The following SORL1 variants were observed in gnomAD, a reference collection of about 807,000 sequenced individuals.
The protein encoded by SORL1 is sortilin-related receptor.
A neutral mutation model predicts 273.7 loss-of-function variants in SORL1; 127 were observed. That is an observed-to-expected ratio of 0.46 (90% CI 0.40 to 0.54). SORL1 has a LOEUF of 0.54. SORL1 is among the 20% of genes least tolerant of loss of function. SORL1 has a pLI of 0.00. For synonymous variants in SORL1, 1,031 were observed against 1,067.4 expected (o/e 0.97, Z 0.66); for missense variants, 2,494 against 2,846.1 (o/e 0.88, Z 2.81).
chr11:121,474,957 G>T (rs1861239812), intron 2 of SORL1, among the ~76,000 whole-genome samples: 1 of 152,230 alleles, frequency 6.6e-6, no homozygotes, highest in African/African-American at 2.4e-5. Context: ...TGCTAATTAA[G>T]TAGAAATAAG....
intron 1 of SORL1, among the ~76,000 whole-genome samples, chr11:121,459,051 C>T (rs116454522): frequency 3.4e-4 from 52 of 152,290 alleles, no homozygotes; most frequent in African/African-American, 1.2e-3. Flanking sequence ...ATCTTCCTGG[C>T]CGCGTCCTGG....
At chr11:121,465,111 A>G (rs1470383437) in intron 1 of SORL1, among the ~76,000 whole-genome samples, 1 of 152,168 alleles carries the variant, frequency 6.6e-6, no homozygotes, top group East Asian at 1.9e-4. Context: ...ATGATTTCCA[A>G]AACATTTCCA....
At chr11:121,513,413 G>A (rs1313996611) in intron 7 of SORL1, among the ~76,000 whole-genome samples, 1 of 152,176 alleles carries the variant, frequency 6.6e-6, no homozygotes, top group Non-Finnish European at 1.5e-5. Flanking sequence ...GTGCATGATA[G>A]GATCTTTTTT....
chr11:121,522,488 C>T (rs977860939), intron 9 of SORL1, 98 bp from the exon 10 acceptor site: 26 of 881,530 alleles, frequency 2.9e-5, no homozygotes, highest in Admixed American at 5.3e-5. Context: ...CTCCTTGCCC[C>T]GTGTCAGCTG....
chr11:121,473,713 G>T (rs975488118), intron 2 of SORL1, among the ~76,000 whole-genome samples: 1 of 152,132 alleles, frequency 6.6e-6, no homozygotes, highest in Non-Finnish European at 1.5e-5. Flanking sequence ...CGGCCAACAT[G>T]GTGAAACCCT....
At chr11:121,569,283 G>GA (rs1249967769) in intron 22 of SORL1, among the ~76,000 whole-genome samples, 27 of 152,266 alleles carry the variant, frequency 1.8e-4, no homozygotes, top group African/African-American at 6.5e-4. Flanking sequence ...ATGTGTGTTT[G>GA]AACAATATGA....
At chr11:121,489,958 G>A in intron 4 of SORL1, 85 bp from the exon 5 acceptor site, 1 of 965,154 alleles carries the variant, frequency 1.0e-6, no homozygotes, top group African/African-American at 1.6e-5. Context: ...GTCATGGAAG[G>A]TGGGATTTCA....
At chr11:121,591,179 T>G (rs1321920355) in intron 31 of SORL1, 23 bp downstream of exon 31, 1 of 1,613,566 alleles carries the variant, frequency 6.2e-7, no homozygotes, top group Non-Finnish European at 8.5e-7. Context: ...CCAGGTCCTC[T>G]CCTGTGGTAC....
intron 45 of SORL1, among the ~76,000 whole-genome samples, chr11:121,622,970 A>G (rs938160887): frequency 6.6e-6 from 1 of 152,238 alleles, no homozygotes; most frequent in African/African-American, 2.4e-5. Flanking sequence ...GCAAAGAGCC[A>G]TGGGTTCTAA....
chr11:121,566,731 A>G, intron 21 of SORL1: 1 of 505,234 alleles, frequency 2.0e-6, no homozygotes, highest in South Asian at 3.0e-5. Flanking sequence ...GGGCAGTCTG[A>G]TCTGGCTGAA....
chr11:121,499,801 A>G (rs1861685783), intron 6 of SORL1, among the ~76,000 whole-genome samples: 1 of 152,220 alleles, frequency 6.6e-6, no homozygotes, highest in Non-Finnish European at 1.5e-5. Context: ...AGCTGGCTTT[A>G]GTGTTAAATG....
intron 11 of SORL1, among the ~76,000 whole-genome samples, chr11:121,525,648 G>A (rs1480617213): frequency 5.9e-5 from 9 of 152,196 alleles, no homozygotes; most frequent in Non-Finnish European, 2.9e-5. Context: ...ATATCTCATT[G>A]TAGTTGTAAT....
rs1371446364 is a variant in SORL1, at chr11:121,563,647, C to T, written c.3050-3293C>T. On this transcript the variant is annotated intron_variant, in intron 21 of 47. Transcript: ENST00000260197. The surrounding 1 kb of genome is among the most constrained non-coding windows in gnomAD (Gnocchi z 4.2). ...CTGAGCTCAGGCAATCTGCACGCCC[C>T]GGCCTCCCAAAGTGCTAGGATTTAC... Among the ~76,000 whole-genome samples, 4 of 152,192 alleles carry T rather than the reference C, an allele frequency of 2.6e-5. No individual in the cohort carries two copies. The highest frequency in any genetic ancestry group is 1.9e-4 in the East Asian group (1 of 5,196).
At chr11:121,624,127 C>T (rs987551912) in intron 45 of SORL1, among the ~76,000 whole-genome samples, 5 of 152,224 alleles carry the variant, frequency 3.3e-5, no homozygotes, top group Non-Finnish European at 5.9e-5. Context: ...CCAGTGATCT[C>T]TCACCGGGTC....
At chr11:121,531,981 G>A (rs938092774) in intron 11 of SORL1, among the ~76,000 whole-genome samples, 1 of 152,164 alleles carries the variant, frequency 6.6e-6, no homozygotes, top group African/African-American at 2.4e-5. Flanking sequence ...AGCTTCTCTA[G>A]GTTTTAAATC....
chr11:121,460,615 C>T (rs909077792), intron 1 of SORL1, among the ~76,000 whole-genome samples: 1 of 152,018 alleles, frequency 6.6e-6, no homozygotes, highest in South Asian at 2.1e-4. Context: ...CCAGGCTGGT[C>T]TCGAACTCCT....
rs530262961 is a variant in SORL1, at chr11:121,485,682, T to G, written c.529-2350T>G. On this transcript the variant is annotated intron_variant, in intron 3 of 47. Coordinates refer to ENST00000260197, the MANE Select transcript of SORL1 (RefSeq NM_003105.6). ...AGATTTCTGGGGAAATCTTTTCAAATTGAGGATGCTTCCTTCCCCAATAAC... is the reference window on the plus strand; with the variant it reads ...AGATTTCTGGGGAAATCTTTTCAAAGTGAGGATGCTTCCTTCCCCAATAAC... 5.3e-5 allele frequency among the ~76,000 whole-genome samples: 8 copies of G among 152,332 alleles called. No homozygotes were observed. In the East Asian group the frequency reaches 1.3e-3, roughly 26 times the overall value.
intron 1 of SORL1, among the ~76,000 whole-genome samples, chr11:121,457,656 T>C (rs1277537890): frequency 6.6e-6 from 1 of 152,154 alleles, no homozygotes; most frequent in African/African-American, 2.4e-5. Flanking sequence ...AAAACCTCAT[T>C]CTCCTTTCAC....
In SORL1 at chr11:121,629,830, T is replaced by C. The variant is rs189323512; in HGVS notation, c.*267T>C. ...CTTACAGGGCTGTGCTTGCTGGGCA[T>C]GCTTTTACGTCTGTGAGATAATTTC... On this transcript the variant is annotated 3_prime_UTR_variant, in exon 48 of 48. Transcript: ENST00000260197. 95 of 419,818 alleles carry C rather than the reference T, an allele frequency of 2.3e-4. No individual in the cohort carries two copies. The East Asian group carries it at 3.6e-3, about 16-fold the overall frequency. 26.0% of individuals were successfully genotyped at this position (419,818 alleles called of 1,614,324 possible). A position where few individuals can be genotyped will look rare whatever the true frequency, so the allele number is the denominator to read the frequency against.
Sources: allele counts gnomAD v4.1 joint callset (sites outside exome capture counted in the v4.1 genomes callset), GRCh38; gene constraint gnomAD v4.1.1; non-coding constraint Gnocchi (gnomAD v3.1); transcripts MANE v1.5; gene names NCBI Gene and HGNC (gene_info 2026-07-23, HGNC 2026-07-21).